The following IGSF10 variants were observed in gnomAD, a reference collection of about 807,000 sequenced individuals.
IGSF10 encodes immunoglobulin superfamily member 10.
IGSF10 carries 126 observed loss-of-function variants against 128.2 expected under a neutral mutation model. The observed-to-expected ratio is 0.98, with a 90% CI of 0.85 to 1.14. The LOEUF is 1.14. Ranked by LOEUF, IGSF10 falls within the 50% of genes most tolerant of loss-of-function variation. The probability of loss-of-function intolerance (pLI) is 0.00; values close to 1 mark genes in which losing one functional copy is unlikely to be tolerated. For missense variants in IGSF10, 3,295 were observed against 3,149.8 expected (o/e 1.05, Z -1.10); for synonymous variants, 1,185 against 1,146.2 (o/e 1.03, Z -0.68).
the IGSF10 span, among the ~76,000 whole-genome samples, chr3:151,489,437 A>G: frequency 2.6e-5 from 4 of 152,224 alleles, no homozygotes; most frequent in African/African-American, 9.6e-5. Flanking sequence ...ATCTAGAACT[A>G]GAAATACCAT....
At chr3:151,563,516 C>T in the IGSF10 span, among the ~76,000 whole-genome samples, 1 of 152,094 alleles carries the variant, frequency 6.6e-6, no homozygotes. Context: ...ATAAAAGAGA[C>T]CTCAGAAGCC....
chr3:151,594,916 A>T, the IGSF10 span, among the ~76,000 whole-genome samples: 2 of 151,846 alleles, frequency 1.3e-5, no homozygotes, highest in Non-Finnish European at 2.9e-5. Context: ...GTACCAATAA[A>T]GATTTTTTAA....
chr3:151,568,850 A>G, the IGSF10 span, among the ~76,000 whole-genome samples: 1 of 152,208 alleles, frequency 6.6e-6, no homozygotes, highest in Non-Finnish European at 1.5e-5. Context: ...GTGTGTAGTC[A>G]TGAAACCAAA....
At position 151,438,457 on chromosome 3, in the gene IGSF10, A is replaced by G. The variant is rs778425302; in HGVS notation, c.6104T>C (p.Leu2035Pro). The change falls in exon 8 of 8, where the codon CTG becomes CCG. Residue 2035 changes from leucine (L) to proline (P), a missense_variant. Physicochemically the swap from Leu to Pro is moderately conservative, Grantham distance 98 (BLOSUM62 -3). Coordinates refer to ENST00000282466, the MANE Select transcript of IGSF10 (RefSeq NM_178822.5). ...DLILMHVSLR[L>P]KPAKIDHKQY... ...CTTGTGGTCAATTTTGGCAGGTTTC[A>G]GTCTTAGGCTAACATGCATCAGTAT... 11 of 1,614,044 alleles carry G rather than the reference A, an allele frequency of 6.8e-6. No individual in the cohort carries two copies. The East Asian group carries it at 1.3e-4, about 20-fold the overall frequency.
upstream of IGSF10, among the ~76,000 whole-genome samples, chr3:151,462,064 C>T (rs1722083092): frequency 6.6e-6 from 1 of 152,082 alleles, no homozygotes; most frequent in African/African-American, 2.4e-5. Flanking sequence ...CATCTGGAGG[C>T]AGAGATGCCT....
At chr3:151,441,177 C>A (rs572879334) in intron 7 of IGSF10, among the ~76,000 whole-genome samples, 3 of 152,214 alleles carry the variant, frequency 2.0e-5, no homozygotes, top group African/African-American at 7.2e-5. Context: ...TCCCCTGCAC[C>A]CAAGATCTGA....
At chr3:151,463,162 T>C (rs1722126169), upstream of IGSF10, among the ~76,000 whole-genome samples, 1 of 152,226 alleles carries the variant, frequency 6.6e-6, no homozygotes, top group South Asian at 2.1e-4. Context: ...TTTTATGAGA[T>C]AAATCTCTAC....
At chr3:151,541,110 TA>T in the IGSF10 span, among the ~76,000 whole-genome samples, 1 of 152,172 alleles carries the variant, frequency 6.6e-6, no homozygotes, top group Non-Finnish European at 1.5e-5. Flanking sequence ...AAACAAACCT[TA>T]AAATACCCTC....
Position 151,445,815 on chromosome 3 carries a change from C to T in IGSF10, c.4166G>A (p.Ser1389Asn). Residue 1389 changes from serine to asparagine, a missense_variant, in exon 6 of 8, where the codon AGT (serine) becomes AAT (asparagine). Coordinates refer to ENST00000282466, the MANE Select transcript of IGSF10 (RefSeq NM_178822.5). Reference protein sequence around the residue: ...LTTAETSVKPSVSAFTHSPPE... With the variant: ...LTTAETSVKPNVSAFTHSPPE... ...TGGGGAATGAGTGAATGCAGAGACA[C>T]TGGGCTTGACTGAAGTTTCGGCTGT... 2 of 1,614,196 alleles carry T rather than the reference C, an allele frequency of 1.2e-6. No homozygotes were observed. The highest frequency in any genetic ancestry group is 1.7e-6 in the Non-Finnish European group (2 of 1,180,040).
Position 151,437,029 on chromosome 3 carries a change from C to T in IGSF10, c.7532G>A (p.Ser2511Asn). 2 of 1,614,200 alleles carry T rather than the reference C, an allele frequency of 1.2e-6. No individual in the cohort carries two copies. The highest frequency in any genetic ancestry group is 1.7e-6 in the Non-Finnish European group (2 of 1,180,024). Residue 2511 changes from serine to asparagine, a missense_variant, in exon 8 of 8, where the codon AGT becomes AAT. Coordinates refer to ENST00000282466, the MANE Select transcript of IGSF10 (RefSeq NM_178822.5). ...AACAGTAATCAGTGTATGACCAACA[C>T]TATTTTGAGCCTTACAGATATAGTT... ...RGNYICKAQNSVGHTLITVPV... is the reference protein window; with the variant it reads ...RGNYICKAQNNVGHTLITVPV...
chr3:151,617,329 T>C, the IGSF10 span, among the ~76,000 whole-genome samples: 1 of 135,822 alleles, frequency 7.4e-6, no homozygotes, highest in Non-Finnish European at 1.6e-5. Flanking sequence ...CCCCTCCTCC[T>C]CCTCCCCCTC....
At position 151,443,056 on chromosome 3, in the gene IGSF10, G is replaced by A. The variant is rs779768803; in HGVS notation, c.5891C>T (p.Ser1964Leu). ...TTGGGGTTTGGGCTCCCCAGTGGCT[G>A]AGCAGTTCAGTAGTAATTTGTCCCC... The part of the protein sequence containing the change: ...NFGDKLLLNC[S>L]ATGEPKPQIM... The change falls in exon 7 of 8, where the codon TCA (serine) becomes TTA (leucine). Residue 1964 changes from serine to leucine, a missense_variant. Physicochemically the swap from Ser to Leu is moderately radical, Grantham distance 145. Coordinates refer to ENST00000282466, the MANE Select transcript of IGSF10 (RefSeq NM_178822.5). 18 of 1,614,224 alleles carry A rather than the reference G, an allele frequency of 1.1e-5. No individual in the cohort carries two copies. In the South Asian group the frequency reaches 2.0e-4, roughly 18 times the overall value.
chr3:151,440,184 T>G (rs1232931702), intron 7 of IGSF10, among the ~76,000 whole-genome samples: 1 of 151,994 alleles, frequency 6.6e-6, no homozygotes, highest in East Asian at 1.9e-4. Flanking sequence ...CACACACCAC[T>G]ATGCCCTCCT....
the IGSF10 span, among the ~76,000 whole-genome samples, chr3:151,539,662 C>T: frequency 2.6e-5 from 4 of 152,100 alleles, no homozygotes; most frequent in African/African-American, 9.7e-5. Flanking sequence ...CGACCACCCC[C>T]ACCTCCAACA....
At chr3:151,560,868 T>C in the IGSF10 span, among the ~76,000 whole-genome samples, 1 of 152,142 alleles carries the variant, frequency 6.6e-6, no homozygotes, top group Non-Finnish European at 1.5e-5. Flanking sequence ...CCCACATGAG[T>C]GCTTTCTTAA....
intron 3 of IGSF10, 74 bp downstream of exon 3, chr3:151,458,442 A>G: frequency 1.9e-6 from 2 of 1,066,444 alleles, no homozygotes; most frequent in Non-Finnish European, 2.7e-6. Flanking sequence ...TCCCAAAGTC[A>G]TAGATGTTTG....
chr3:151,590,641 G>A, the IGSF10 span, among the ~76,000 whole-genome samples: 2 of 152,182 alleles, frequency 1.3e-5, no homozygotes, highest in Admixed American at 6.5e-5. Flanking sequence ...TCATGACCAA[G>A]GTGTTAGGAA....
At chr3:151,601,126 A>C in the IGSF10 span, among the ~76,000 whole-genome samples, 1 of 152,038 alleles carries the variant, frequency 6.6e-6, no homozygotes, top group Non-Finnish European at 1.5e-5. Context: ...TTGATACCAT[A>C]TCCTGAGAGA....
chr3:151,540,946 C>G, the IGSF10 span, among the ~76,000 whole-genome samples: 1 of 152,136 alleles, frequency 6.6e-6, no homozygotes, highest in Non-Finnish European at 1.5e-5. Context: ...GAACCCTGAA[C>G]AACCATCTAC....
Sources: gnomAD v4.1 joint callset for allele counts (sites outside exome capture counted in the v4.1 genomes callset) on GRCh38, gnomAD v4.1.1 for gene constraint, MANE v1.5 for transcripts, NCBI Gene and HGNC (gene_info 2026-07-23, HGNC 2026-07-21) for gene names.